Variants in ESRRG observed in about 807,000 individuals in gnomAD.
ESRRG encodes the protein estrogen related receptor gamma.
In ESRRG, 13 loss-of-function variants were observed where a neutral mutation model predicts 44.0. The ratio of observed to expected loss-of-function variants is 0.30; its 90% CI spans 0.19 to 0.47. ESRRG has a LOEUF of 0.47. ESRRG is among the 20% of genes least tolerant of loss of function. The probability of loss-of-function intolerance (pLI) is 1.00; values close to 1 mark genes in which losing one functional copy is unlikely to be tolerated. For synonymous variants in ESRRG, 215 were observed against 214.6 expected (o/e 1.00, Z -0.02); for missense variants, 395 against 580.6 (o/e 0.68, Z 3.29).
chr1:216,573,908 G>A (rs964677402), intron 3 of ESRRG, among the ~76,000 whole-genome samples: 3 of 151,956 alleles, frequency 2.0e-5, no homozygotes, highest in Non-Finnish European at 4.4e-5. Flanking sequence ...TAATATTTAT[G>A]ATCAGAACCT....
At chr1:217,122,215 G>A (rs970981705) in intron 1 of ESRRG, among the ~76,000 whole-genome samples, 1 of 152,138 alleles carries the variant, frequency 6.6e-6, no homozygotes, top group Non-Finnish European at 1.5e-5. Context: ...TTCAAGTAGA[G>A]ATATCCAAGA....
chr1:216,623,379 T>C (rs542089457), intron 3 of ESRRG, among the ~76,000 whole-genome samples: 1 of 152,330 alleles, frequency 6.6e-6, no homozygotes, highest in African/African-American at 2.4e-5. Flanking sequence ...TGCAGCATTA[T>C]ATAGATTAGC....
chr1:216,638,470 G>T (rs1350111397), intron 3 of ESRRG, among the ~76,000 whole-genome samples: 1 of 152,140 alleles, frequency 6.6e-6, no homozygotes, highest in Non-Finnish European at 1.5e-5. Context: ...GACTTCCTTA[G>T]TTGCATTAGA....
intron 3 of ESRRG, among the ~76,000 whole-genome samples, chr1:216,638,684 T>C (rs1485979840): frequency 1.3e-5 from 2 of 152,202 alleles, no homozygotes; most frequent in Admixed American, 6.5e-5. Flanking sequence ...GATCATAAAC[T>C]CCACAAGGAT....
intron 1 of ESRRG, among the ~76,000 whole-genome samples, chr1:216,689,747 C>A (rs905719645): frequency 2.0e-5 from 3 of 152,024 alleles, no homozygotes; most frequent in African/African-American, 7.2e-5. Flanking sequence ...TATCTATACA[C>A]TCCCTATAAA....
chr1:217,132,221 C>T (rs1238809574), intron 1 of ESRRG, among the ~76,000 whole-genome samples: 2 of 152,082 alleles, frequency 1.3e-5, no homozygotes, highest in Non-Finnish European at 2.9e-5. Flanking sequence ...TCTCAAACTC[C>T]CAGAGTCCAG....
intron 5 of ESRRG, among the ~76,000 whole-genome samples, chr1:216,522,220 T>C (rs891440042): frequency 8.0e-6 from 1 of 125,400 alleles, no homozygotes; most frequent in Non-Finnish European, 1.7e-5. Flanking sequence ...CTCTATGAAA[T>C]AAAGAGAAGG....
At chr1:216,635,675 C>T (rs1370390305) in intron 3 of ESRRG, among the ~76,000 whole-genome samples, 1 of 152,122 alleles carries the variant, frequency 6.6e-6, no homozygotes, top group African/African-American at 2.4e-5. Context: ...GTAATTCTGG[C>T]AGGTTTTGCT....
chr1:216,675,194 C>T (rs2075879514), intron 2 of ESRRG, among the ~76,000 whole-genome samples: 2 of 151,846 alleles, frequency 1.3e-5, no homozygotes, highest in Non-Finnish European at 2.9e-5. Flanking sequence ...AACCTTGTCT[C>T]TACTAAAAAT....
Position 216,953,564 on chromosome 1 carries a change from A to G in ESRRG, c.-105-13891T>C, listed in dbSNP as rs151295477. Among the ~76,000 whole-genome samples the G allele has an allele frequency of 5.9e-5, 9 of 152,104 alleles. No individual in the cohort carries two copies. The East Asian group carries it at 1.6e-3, about 26-fold the overall frequency. On this transcript the variant is annotated intron_variant, in intron 1 of 7. Coordinates refer to the ESRRG transcript ENST00000359162. ...TTCTTTTCTGTTCCCTATCCCCGATACCTTCATCCTCCCTCTTGGCCCTGC... is the reference window on the plus strand; with the variant it reads ...TTCTTTTCTGTTCCCTATCCCCGATGCCTTCATCCTCCCTCTTGGCCCTGC...
chr1:216,521,921 A>G (rs1031796571), intron 5 of ESRRG, among the ~76,000 whole-genome samples: 7 of 152,114 alleles, frequency 4.6e-5, no homozygotes, highest in African/African-American at 1.7e-4. Context: ...ATCAATGTGA[A>G]TTTAGTGCTG....
intron 3 of ESRRG, among the ~76,000 whole-genome samples, chr1:216,637,191 A>G (rs547391813): frequency 1.3e-5 from 2 of 152,316 alleles, no homozygotes; most frequent in South Asian, 2.1e-4. Flanking sequence ...GCTAAACAAT[A>G]GGCTATGATA....
chr1:216,618,622 A>G (rs1002227258), intron 3 of ESRRG, among the ~76,000 whole-genome samples: 12 of 152,226 alleles, frequency 7.9e-5, no homozygotes, highest in African/African-American at 2.7e-4. Context: ...AGCCCTTAAC[A>G]ATTTTGATAT....
chr1:216,580,381 A>G (rs1308372129), intron 3 of ESRRG, among the ~76,000 whole-genome samples: 1 of 152,198 alleles, frequency 6.6e-6, no homozygotes, highest in African/African-American at 2.4e-5. Flanking sequence ...ATAACAACAT[A>G]TCATGAAGCA....
At chr1:216,791,530 C>T (rs2094319868) in intron 2 of ESRRG, among the ~76,000 whole-genome samples, 1 of 152,118 alleles carries the variant, frequency 6.6e-6, no homozygotes, top group Admixed American at 6.6e-5. Context: ...GATTTGATCT[C>T]TGAAAAGATT....
intron 1 of ESRRG, among the ~76,000 whole-genome samples, chr1:217,031,982 C>A (rs562587269): frequency 6.6e-6 from 1 of 152,088 alleles, no homozygotes; most frequent in African/African-American, 2.4e-5. Context: ...ACTAATCCAC[C>A]GACTGCCCCA....
intron 1 of ESRRG, among the ~76,000 whole-genome samples, chr1:217,070,556 T>C (rs2090425935): frequency 6.6e-6 from 1 of 152,140 alleles, no homozygotes; most frequent in African/African-American, 2.4e-5. Flanking sequence ...AATTTTTGTG[T>C]TTTCAGTAGA....
intron 2 of ESRRG, among the ~76,000 whole-genome samples, chr1:216,735,173 G>A (rs935075490): frequency 1.3e-5 from 2 of 151,076 alleles, no homozygotes; most frequent in African/African-American, 4.9e-5. Flanking sequence ...CTCCCAAAGT[G>A]CTGGGATTAC....
At chr1:216,975,023 T>C (rs2072573458) in intron 1 of ESRRG, among the ~76,000 whole-genome samples, 1 of 152,224 alleles carries the variant, frequency 6.6e-6, no homozygotes, top group African/African-American at 2.4e-5. Context: ...CTGTTGACAC[T>C]ATCTGTTTTA....
Sources: gnomAD v4.1 joint callset for allele counts (sites outside exome capture counted in the v4.1 genomes callset) on GRCh38, gnomAD v4.1.1 for gene constraint, MANE v1.5 for transcripts, NCBI Gene and HGNC (gene_info 2026-07-23, HGNC 2026-07-21) for gene names.